ZNF385B: variants seen among roughly 807,000 people sequenced by gnomAD.
ZNF385B encodes the protein zinc finger protein 533.
ZNF385B carries 23 observed loss-of-function variants against 39.2 expected under a neutral mutation model. That is an observed-to-expected ratio of 0.59 (90% confidence interval 0.42 to 0.83). The LOEUF (loss-of-function observed/expected upper bound fraction) is 0.83. ZNF385B is among the 40% of genes least tolerant of loss of function. ZNF385B has a pLI of 0.00. For synonymous variants in ZNF385B, 205 were observed against 222.6 expected, an observed-to-expected ratio of 0.92 and a Z score of 0.70; for missense variants, 552 against 598.9, an observed-to-expected ratio of 0.92 and a Z score of 0.82.
At chr2:179,830,167 A>G (rs1010190271) in intron 1 of ZNF385B, among the ~76,000 whole-genome samples, 4 of 152,256 alleles carry the variant, frequency 2.6e-5, no homozygotes, top group Non-Finnish European at 4.4e-5. Flanking sequence ...ATACCACTAC[A>G]TATCTATTAG....
chr2:179,609,063 T>C (rs1344712650), intron 3 of ZNF385B, among the ~76,000 whole-genome samples: 1 of 152,168 alleles, frequency 6.6e-6, no homozygotes, highest in African/African-American at 2.4e-5. Flanking sequence ...ATTTATTCTT[T>C]CTTTGTGTTA....
chr2:179,445,699 G>T lies in ZNF385B; in HGVS notation c.991C>A (p.Arg331Ser). 6.2e-7 allele frequency: 1 copy of T among 1,612,406 alleles called. No homozygotes were observed. Among genetic ancestry groups the T allele is most frequent in the Non-Finnish European group, 8.5e-7 (1 of 1,179,358 alleles). ...GATTTAATTGGACCAGCCCCATTAC[G>T]AGCTTCAACCATGGTCTTGTGTTTA... ...GSKHKTMVEA[R>S]NGAGPIKSYP... is the part of the protein sequence containing the mutation. The change falls in exon 8 of 10, where the codon CGT becomes AGT. Residue 331 changes from arginine (R) to serine (S), a missense_variant. By Grantham distance (110) the Arg-to-Ser change is moderately radical. Transcript: ENST00000410066.
At chr2:179,509,203 T>C (rs181485252) in intron 5 of ZNF385B, among the ~76,000 whole-genome samples, 3 of 152,282 alleles carry the variant, frequency 2.0e-5, no homozygotes, top group Non-Finnish European at 1.5e-5. Context: ...TAATCACTTT[T>C]TTAAACTTCA....
chr2:179,581,394 T>C (rs1244523690), intron 3 of ZNF385B, among the ~76,000 whole-genome samples: 1 of 152,226 alleles, frequency 6.6e-6, no homozygotes, highest in Admixed American at 6.5e-5. Flanking sequence ...ATAGAAGATC[T>C]TATTTTTTGT....
chr2:179,448,296 T>C (rs1215378190), intron 6 of ZNF385B, among the ~76,000 whole-genome samples: 10 of 152,118 alleles, frequency 6.6e-5, no homozygotes, highest in Admixed American at 4.6e-4. Flanking sequence ...AACCCTCTCA[T>C]CTATAAGGAT....
intron 4 of ZNF385B, among the ~76,000 whole-genome samples, chr2:179,531,402 G>A (rs1388965513): frequency 6.6e-6 from 1 of 152,102 alleles, no homozygotes; most frequent in Non-Finnish European, 1.5e-5. Context: ...TTGGGAGACC[G>A]AGGTGGGAGG....
chr2:179,814,169 G>T, intron 1 of ZNF385B: 1 of 167,906 alleles, frequency 6.0e-6, no homozygotes, highest in South Asian at 1.4e-4. Context: ...GAAGGGGCTG[G>T]GGAGTGAGGG....
intron 3 of ZNF385B, among the ~76,000 whole-genome samples, chr2:179,603,988 A>C (rs1256836523): frequency 6.6e-6 from 1 of 152,206 alleles, no homozygotes; most frequent in Non-Finnish European, 1.5e-5. Flanking sequence ...TAAAAGGTAC[A>C]AATAGGATCA....
chr2:179,573,614 G>C (rs560949432), intron 3 of ZNF385B, among the ~76,000 whole-genome samples: 175 of 152,066 alleles, frequency 1.2e-3, no homozygotes, highest in Non-Finnish European at 1.9e-3. Context: ...TAGATTAAAA[G>C]CTAAATTTAA....
chr2:179,815,501 TTC>T (rs1427786741), intron 1 of ZNF385B, among the ~76,000 whole-genome samples: 1 of 152,202 alleles, frequency 6.6e-6, no homozygotes, highest in Admixed American at 6.5e-5. Context: ...ATACCGGTAT[TTC>T]TGTTTACCTA....
chr2:179,572,552 G>A (rs755123369), intron 3 of ZNF385B, among the ~76,000 whole-genome samples: 3 of 152,090 alleles, frequency 2.0e-5, no homozygotes, highest in African/African-American at 4.8e-5. Context: ...AAAGAATACA[G>A]ACAAAAGAGG....
At chr2:179,498,381 G>T (rs578254418) in intron 5 of ZNF385B, among the ~76,000 whole-genome samples, 1 of 151,986 alleles carries the variant, frequency 6.6e-6, no homozygotes, top group African/African-American at 2.4e-5. Flanking sequence ...AATGGCTGTA[G>T]AATATATATT....
At chr2:179,501,448 T>C (rs1172029905) in intron 5 of ZNF385B, among the ~76,000 whole-genome samples, 1 of 152,066 alleles carries the variant, frequency 6.6e-6, no homozygotes, top group Non-Finnish European at 1.5e-5. Flanking sequence ...ACAACATGGA[T>C]GGATTATGTT....
rs1027201783 is a variant in ZNF385B, at chr2:179,723,946, T to C, written c.298+45557A>G. Among the ~76,000 whole-genome samples the C allele has an allele frequency of 5.0e-4, 76 of 152,288 alleles. 1 individual carries two copies. The highest frequency in any genetic ancestry group is 1.7e-3 in the African/African-American group (69 of 41,574). ...CAAATGTCACTGCTCATACATCATA[T>C]AAAAACTAGTATATTCTAGTATTAC... On this transcript the variant is annotated intron_variant, in intron 3 of 9. Coordinates refer to ENST00000410066, the MANE Select transcript of ZNF385B (RefSeq NM_152520.6).
chr2:179,487,819 G>A lies in ZNF385B; in HGVS notation c.553-4385C>T, dbSNP rs116497936. 6.0e-3 allele frequency among the ~76,000 whole-genome samples: 919 copies of A among 152,232 alleles called. 12 individuals carry two copies. The highest frequency in any genetic ancestry group is 0.02 in the African/African-American group (843 of 41,528). ...AGAATTGCCAGAATTAGAAAGAGTC[G>A]CCCAAACCACTACACTGACCTTCAC... On this transcript the variant is annotated intron_variant, in intron 5 of 9. Coordinates refer to ENST00000410066, the MANE Select transcript of ZNF385B (RefSeq NM_152520.6).
At chr2:179,777,287 G>A (rs1436166559) in intron 1 of ZNF385B, among the ~76,000 whole-genome samples, 1 of 152,046 alleles carries the variant, frequency 6.6e-6, no homozygotes, top group Non-Finnish European at 1.5e-5. Flanking sequence ...TTATGCTTAT[G>A]ACATTGAGAC....
intron 1 of ZNF385B, among the ~76,000 whole-genome samples, chr2:179,849,852 G>T (rs1708989094): frequency 6.6e-6 from 1 of 152,146 alleles, no homozygotes; most frequent in Non-Finnish European, 1.5e-5. Context: ...AGCACCATAA[G>T]AGAAACACAG....
At chr2:179,837,381 T>G (rs1708310811) in intron 1 of ZNF385B, among the ~76,000 whole-genome samples, 1 of 152,230 alleles carries the variant, frequency 6.6e-6, no homozygotes, top group Admixed American at 6.5e-5. Context: ...ACAAATTGTG[T>G]TCTCATTTCA....
At chr2:179,656,183 T>C (rs542498670) in intron 3 of ZNF385B, among the ~76,000 whole-genome samples, 2 of 152,142 alleles carry the variant, frequency 1.3e-5, no homozygotes, top group African/African-American at 4.8e-5. Context: ...AACCAGTAAT[T>C]GATGTAAAAA....
Sources: gnomAD v4.1 joint callset for allele counts (sites outside exome capture counted in the v4.1 genomes callset) on GRCh38, gnomAD v4.1.1 for gene constraint, MANE v1.5 for transcripts, NCBI Gene and HGNC (gene_info 2026-07-23, HGNC 2026-07-21) for gene names.